The following DAAM1 variants were observed in gnomAD, a reference collection of about 807,000 sequenced individuals.
DAAM1 encodes the protein dishevelled associated activator of morphogenesis 1.
Under a neutral mutation model 130.0 loss-of-function variants are expected in DAAM1, and 52 were observed. The observed-to-expected ratio is 0.40, with a 90% confidence interval of 0.32 to 0.50. DAAM1 has a LOEUF of 0.50. Ranked by LOEUF, DAAM1 falls within the 20% of genes least tolerant of loss-of-function variation. The pLI, the probability that DAAM1 is intolerant of heterozygous loss-of-function variation, is 0.61. For synonymous variants in DAAM1, 452 were observed against 444.5 expected, an observed-to-expected ratio of 1.02 and a Z score of -0.21; for missense variants, 1,134 against 1,303.8, an observed-to-expected ratio of 0.87 and a Z score of 2.01.
In DAAM1 at chr14:59,368,863, T is replaced by C. The variant is rs749760388; in HGVS notation, c.*4T>C. ...AATCACAAAACTTAATTTCTAATTT[T>C]CCATGAATACTTTTTTTTAGAAAGC... On this transcript the variant is annotated 3_prime_UTR_variant, in exon 25 of 25. Transcript: ENST00000360909. 2 of 1,612,682 alleles carry C rather than the reference T, an allele frequency of 1.2e-6. No homozygotes were observed. The highest frequency in any genetic ancestry group is 1.7e-6 in the Non-Finnish European group (2 of 1,179,204).
At chr14:59,239,197 T>C (rs75744630) in intron 1 of DAAM1, among the ~76,000 whole-genome samples, 2,980 of 152,332 alleles carry the variant, frequency 0.02, 62 homozygotes, top group Non-Finnish European at 0.033. Flanking sequence ...AATATACTAT[T>C]ATGCTGTTGT....
chr14:59,267,852 T>C (rs998210662), intron 2 of DAAM1, among the ~76,000 whole-genome samples: 1 of 152,008 alleles, frequency 6.6e-6, no homozygotes, highest in African/African-American at 2.4e-5. Context: ...CAGTACTTCA[T>C]TCCTTTTTCT....
chr14:59,317,580 C>T (rs1401559678), intron 4 of DAAM1, among the ~76,000 whole-genome samples: 1 of 152,124 alleles, frequency 6.6e-6, no homozygotes, highest in East Asian at 1.9e-4. Context: ...GAGTGTTTGT[C>T]CACATTGTCA....
chr14:59,366,957 T>A (rs940910719), intron 23 of DAAM1, among the ~76,000 whole-genome samples: 8 of 150,026 alleles, frequency 5.3e-5, no homozygotes, highest in African/African-American at 2.0e-4. Context: ...CATTCCAGCC[T>A]GGGCAACATG....
At chr14:59,209,781 G>A in intron 1 of DAAM1, among the ~76,000 whole-genome samples, 1 of 152,138 alleles carries the variant, frequency 6.6e-6, no homozygotes, top group East Asian at 1.9e-4. Flanking sequence ...TAACCCTGTT[G>A]TAAGTCAAGG....
At chr14:59,225,249 A>T (rs185109357) in intron 1 of DAAM1, among the ~76,000 whole-genome samples, 51 of 152,072 alleles carry the variant, frequency 3.4e-4, no homozygotes, top group Non-Finnish European at 6.8e-4. Flanking sequence ...AATGGTCTCA[A>T]TCTCTTGACC....
chr14:59,328,085 A>C (rs539502322), intron 12 of DAAM1, among the ~76,000 whole-genome samples: 3 of 152,372 alleles, frequency 2.0e-5, no homozygotes, highest in African/African-American at 7.2e-5. Flanking sequence ...AATGAAATAC[A>C]ATAGCATTCA....
At chr14:59,357,299 C>A (rs1426718012) in intron 20 of DAAM1, 1 of 152,196 alleles carries the variant, frequency 6.6e-6, no homozygotes, top group Non-Finnish European at 1.5e-5. Context: ...GTGATGGCGG[C>A]TGGCATTTTG....
At chr14:59,294,916 A>G (rs1054839185) in intron 3 of DAAM1, among the ~76,000 whole-genome samples, 1 of 152,232 alleles carries the variant, frequency 6.6e-6, no homozygotes, top group Non-Finnish European at 1.5e-5. Flanking sequence ...GGGTGTATAC[A>G]TGTATTATGC....
In DAAM1 at chr14:59,364,818, A is replaced by C. The variant is rs142555257; in HGVS notation, c.2826+1036A>C. Among the ~76,000 whole-genome samples, 302 of 151,028 alleles carry C rather than the reference A, an allele frequency of 2.0e-3. 3 individuals carry two copies. The East Asian group carries it at 0.035, about 18-fold the overall frequency. On this transcript the variant is annotated intron_variant, in intron 23 of 24. Transcript: ENST00000360909. Reference sequence around the variant, plus strand: ...TTTCTAACCTTATAAAATAAATGGCAATATATGTTCAAATGGCTGCTGTCA... The same window carrying C: ...TTTCTAACCTTATAAAATAAATGGCCATATATGTTCAAATGGCTGCTGTCA...
chr14:59,308,915 C>A (rs927700060), intron 3 of DAAM1, among the ~76,000 whole-genome samples: 1 of 152,038 alleles, frequency 6.6e-6, no homozygotes, highest in Non-Finnish European at 1.5e-5. Context: ...TGGGCCCAAC[C>A]GGATTTTGGT....
At chr14:59,272,630 CAT>C (rs879390678) in intron 2 of DAAM1, among the ~76,000 whole-genome samples, 3,629 of 131,162 alleles carry the variant, frequency 0.028, 47 homozygotes, top group Non-Finnish European at 0.034. Context: ...CACACACACA[CAT>C]ACACACATAT....
chr14:59,305,494 AAAGT>A (rs1449231012), intron 3 of DAAM1, among the ~76,000 whole-genome samples: 40 of 152,204 alleles, frequency 2.6e-4, no homozygotes, highest in Admixed American at 2.6e-3. Flanking sequence ...TAAAATAAAT[AAAGT>A]AAGTGTCTCA....
intron 2 of DAAM1, among the ~76,000 whole-genome samples, chr14:59,273,592 G>A (rs1369513901): frequency 6.6e-6 from 1 of 152,098 alleles, no homozygotes; most frequent in Non-Finnish European, 1.5e-5. Context: ...TTTAAAATCT[G>A]ACTATTTAAC....
chr14:59,200,123 A>G (rs987591939), intron 1 of DAAM1, among the ~76,000 whole-genome samples: 1 of 152,176 alleles, frequency 6.6e-6, no homozygotes, highest in African/African-American at 2.4e-5. Flanking sequence ...CCATTCTTCC[A>G]TGACCACAGC....
rs140887470 is a variant in DAAM1, at chr14:59,367,480, G to T, written c.2878G>T (p.Asp960Tyr). The change falls in exon 24 of 25, where the codon GAT becomes TAT. Residue 960 changes from aspartate (D) to tyrosine (Y), a missense_variant. Physicochemically the swap from Asp to Tyr is radical, Grantham distance 160. Coordinates refer to ENST00000360909, the MANE Select transcript of DAAM1 (RefSeq NM_001270520.2). Reference protein sequence around the residue: ...FGEEAGKIQPDEFFGIFDQFL... With the variant: ...FGEEAGKIQPYEFFGIFDQFL... ...GGAAGAGGCTGGCAAAATACAACCAGATGAGTTCTTTGGCATTTTTGATCA... is the reference window on the plus strand; with the variant it reads ...GGAAGAGGCTGGCAAAATACAACCATATGAGTTCTTTGGCATTTTTGATCA... 5.0e-6 allele frequency: 8 copies of T among 1,613,892 alleles called. No homozygotes were observed. The South Asian group carries it at 7.7e-5, about 16-fold the overall frequency.
At chr14:59,346,911 T>G (rs1023656555) in intron 16 of DAAM1, among the ~76,000 whole-genome samples, 8 of 152,200 alleles carry the variant, frequency 5.3e-5, no homozygotes, top group Non-Finnish European at 8.8e-5. Flanking sequence ...TAAGGAATAT[T>G]TGTATAAAGA....
intron 16 of DAAM1, among the ~76,000 whole-genome samples, chr14:59,341,270 A>G (rs1885834091): frequency 6.6e-6 from 1 of 152,198 alleles, no homozygotes; most frequent in Non-Finnish European, 1.5e-5. Context: ...AGCTGTGTAA[A>G]TGGCCGTACC....
intron 1 of DAAM1, among the ~76,000 whole-genome samples, chr14:59,231,107 A>G (rs865978261): frequency 1.3e-5 from 2 of 152,192 alleles, no homozygotes; most frequent in Non-Finnish European, 2.9e-5. Context: ...TGTTTATTAA[A>G]CACACAAGAA....
Sources: gnomAD v4.1 joint callset for allele counts (sites outside exome capture counted in the v4.1 genomes callset) on GRCh38, gnomAD v4.1.1 for gene constraint, MANE v1.5 for transcripts, NCBI Gene and HGNC (gene_info 2026-07-23, HGNC 2026-07-21) for gene names.